CUL4A: variants seen among roughly 807,000 people sequenced by gnomAD.
CUL4A encodes cullin-4A.
In CUL4A, 16 loss-of-function variants were observed where a neutral mutation model predicts 95.5. The observed-to-expected ratio is 0.17, with a 90% confidence interval of 0.11 to 0.25. The LOEUF (loss-of-function observed/expected upper bound fraction) is 0.25, where lower values mean the gene tolerates loss of function less well. Ranked by LOEUF, CUL4A falls within the 10% of genes least tolerant of loss-of-function variation. The pLI, the probability that CUL4A is intolerant of heterozygous loss-of-function variation, is 1.00. For missense variants in CUL4A, 610 were observed against 937.0 expected (o/e 0.65, Z 4.56); for synonymous variants, 380 against 353.1 (o/e 1.08, Z -0.85).
Position 113,263,244 on chromosome 13 carries a change from C to T in CUL4A, c.2185-243C>T, listed in dbSNP as rs184054099. On this transcript the variant is annotated intron_variant, in intron 19 of 19. Transcript: ENST00000375440. The stretch of plus-strand genomic sequence containing the variant: ...CACGTTTCCCTCAGGAAACCACACT[C>T]TGACCATAAACTCACATGGACGCTT... Among the ~76,000 whole-genome samples the T allele has an allele frequency of 6.6e-5, 10 of 152,348 alleles. No individual in the cohort carries two copies. The East Asian group carries it at 1.9e-3, about 29-fold the overall frequency.
rs769425622 is a variant in CUL4A at position 113,243,055 on chromosome 13, G to C, written c.1123G>C (p.Val375Leu). 20 of 1,614,192 alleles carry C rather than the reference G, an allele frequency of 1.2e-5. No homozygotes were observed. Among genetic ancestry groups the C allele is most frequent in the Non-Finnish European group, 1.7e-5 (20 of 1,180,018 alleles). ...GGACTTCAAGGACAAGGTGGACCAC[G>C]TGATCGAGGTCTGCTTCCAGAAGAA... ...LLDFKDKVDH[V>L]IEVCFQKNER... is the part of the protein sequence containing the mutation. The change falls in exon 11 of 20, where the codon GTG becomes CTG. Residue 375 changes from valine (V) to leucine (L), a missense_variant. Physicochemically the swap from Val to Leu is conservative, Grantham distance 32 (BLOSUM62 1). Around this residue, in one of 10 missense-constraint regions of CUL4A, gnomAD observed 153 missense variants for 244.5 expected, o/e 0.63. Coordinates refer to ENST00000375440, the MANE Select transcript of CUL4A (RefSeq NM_001008895.4).
chr13:113,241,700 G>C (rs1188554904), intron 10 of CUL4A, among the ~76,000 whole-genome samples: 1 of 151,926 alleles, frequency 6.6e-6, no homozygotes, highest in Non-Finnish European at 1.5e-5. Context: ...TTTTAGTAGA[G>C]ATGGGGTTTC....
intron 5 of CUL4A, 85 bp downstream of exon 5, chr13:113,229,604 T>A: frequency 8.9e-7 from 1 of 1,127,380 alleles, no homozygotes; most frequent in Non-Finnish European, 1.3e-6. Flanking sequence ...GCTAAGATGG[T>A]AAAGTGTGTG....
upstream of CUL4A, chr13:113,208,919 C>T: frequency 7.3e-7 from 1 of 1,360,746 alleles, no homozygotes; most frequent in South Asian, 1.7e-5. Context: ...GTGGCGAGGA[C>T]AGCCCCACGG....
chr13:113,239,466 C>T lies in CUL4A; in HGVS notation c.950C>T (p.Pro317Leu), dbSNP rs151016419. ...LDHLLDENRVPDLAQMYQLFS... is the reference protein window; with the variant it reads ...LDHLLDENRVLDLAQMYQLFS... ...CACTTACTGGATGAGAACAGAGTGC[C>T]GGACCTCGCACAGATGTACCAGCTG... The change falls in exon 10 of 20, where the codon CCG becomes CTG. Residue 317 changes from proline (P) to leucine (L), a missense_variant. This residue lies in a region of CUL4A where 153 missense variants were observed against 244.5 expected (regional missense o/e 0.63). Coordinates refer to ENST00000375440, the MANE Select transcript of CUL4A (RefSeq NM_001008895.4). The T allele has an allele frequency of 4.1e-5, 66 of 1,613,830 alleles. No individual in the cohort carries two copies. The highest frequency in any genetic ancestry group is 1.6e-4 in the Middle Eastern group (1 of 6,084).
intron 5 of CUL4A, among the ~76,000 whole-genome samples, chr13:113,232,190 C>T (rs796708347): frequency 2.5e-3 from 5 of 1,984 alleles, no homozygotes; most frequent in Admixed American, 9.1e-3. Flanking sequence ...ATTACTGCTG[C>T]CACCACTACC....
At chr13:113,248,468 A>G (rs1324461277) in intron 15 of CUL4A, among the ~76,000 whole-genome samples, 1 of 152,156 alleles carries the variant, frequency 6.6e-6, no homozygotes, top group African/African-American at 2.4e-5. Context: ...ATATGCCTAC[A>G]TCATTTTTTT....
intron 18 of CUL4A, among the ~76,000 whole-genome samples, chr13:113,256,436 G>A (rs892698556): frequency 1.3e-5 from 2 of 152,180 alleles, no homozygotes; most frequent in African/African-American, 4.8e-5. Flanking sequence ...TTGCTCTGGA[G>A]CTGCTGGGTA....
intron 18 of CUL4A, among the ~76,000 whole-genome samples, chr13:113,255,689 A>C (rs1321895598): frequency 1.3e-5 from 2 of 151,862 alleles, no homozygotes; most frequent in African/African-American, 2.4e-5. Context: ...TGGCTTCTTT[A>C]TTTATTAGAA....
chr13:113,238,128 G>A (rs550975370), intron 9 of CUL4A, among the ~76,000 whole-genome samples: 1 of 152,142 alleles, frequency 6.6e-6, no homozygotes, highest in South Asian at 2.1e-4. Context: ...GTGTTTTTAT[G>A]AAAGGAGTCA....
At chr13:113,249,749 AC>A (rs2041947496) in intron 15 of CUL4A, among the ~76,000 whole-genome samples, 1 of 152,096 alleles carries the variant, frequency 6.6e-6, no homozygotes, top group South Asian at 2.1e-4. Context: ...CCACCTTCTC[AC>A]CTACACCTGT....
intron 3 of CUL4A, among the ~76,000 whole-genome samples, chr13:113,222,745 A>G (rs546834112): frequency 6.6e-6 from 1 of 152,296 alleles, no homozygotes; most frequent in South Asian, 2.1e-4. Flanking sequence ...AGCAGCCTAG[A>G]CGACAATTAG....
At chr13:113,260,455 C>G in intron 18 of CUL4A, 152 bp from the exon 19 acceptor site, 2 of 592,402 alleles carry the variant, frequency 3.4e-6, no homozygotes, top group East Asian at 3.5e-5. Flanking sequence ...GAGGCTGAGG[C>G]AAGAGAATCG....
intron 10 of CUL4A, among the ~76,000 whole-genome samples, chr13:113,242,511 C>T (rs1321461862): frequency 1.3e-5 from 2 of 152,080 alleles, no homozygotes; most frequent in Non-Finnish European, 2.9e-5. Flanking sequence ...ATATTCACAC[C>T]AAGCACAGGG....
At chr13:113,218,878 A>G (rs2040793307) in intron 2 of CUL4A, 67 bp from the exon 3 acceptor site, 6 of 1,099,270 alleles carry the variant, frequency 5.5e-6, no homozygotes, top group Non-Finnish European at 6.8e-6. Context: ...TATGTTAACA[A>G]TAGGGTTTTT....
At chr13:113,223,683 C>G (rs1435101749) in intron 3 of CUL4A, among the ~76,000 whole-genome samples, 1 of 152,166 alleles carries the variant, frequency 6.6e-6, no homozygotes, top group African/African-American at 2.4e-5. Flanking sequence ...AGGCGTGAGC[C>G]ACCATGCCCG....
At chr13:113,231,118 CA>C (rs2041296096) in intron 5 of CUL4A, among the ~76,000 whole-genome samples, 1 of 152,128 alleles carries the variant, frequency 6.6e-6, no homozygotes, top group Non-Finnish European at 1.5e-5. Context: ...AACTGTCATA[CA>C]AACTATAAAC....
chr13:113,232,668 C>A (rs2041396806), intron 5 of CUL4A, among the ~76,000 whole-genome samples: 1 of 152,190 alleles, frequency 6.6e-6, no homozygotes, highest in Non-Finnish European at 1.5e-5. Context: ...AGCTGTGCAT[C>A]ACCTTCTCTT....
At chr13:113,226,220 CTG>C (rs2041099868) in intron 3 of CUL4A, among the ~76,000 whole-genome samples, 1 of 152,234 alleles carries the variant, frequency 6.6e-6, no homozygotes, top group African/African-American at 2.4e-5. Flanking sequence ...TTCCTCCTCT[CTG>C]TGTGTGAGGA....
Sources: allele counts gnomAD v4.1 joint callset (sites outside exome capture counted in the v4.1 genomes callset), GRCh38; gene constraint gnomAD v4.1.1; regional missense constraint gnomAD v4.1.1; transcripts MANE v1.5; gene names NCBI Gene and HGNC (gene_info 2026-07-23, HGNC 2026-07-21).